Variants in CA10 observed in about 807,000 individuals in gnomAD.
CA10 encodes carbonic anhydrase 10 (inactive).
Under a neutral mutation model 44.2 loss-of-function variants are expected in CA10, and 14 were observed. The observed-to-expected ratio is 0.32, with a 90% CI of 0.21 to 0.50. The LOEUF (loss-of-function observed/expected upper bound fraction) is 0.50, where lower values mean the gene tolerates loss of function less well. Ranked by LOEUF, CA10 falls within the 20% of genes least tolerant of loss-of-function variation. The pLI is 0.99. For synonymous variants in CA10, 159 were observed against 141.6 expected, an observed-to-expected ratio of 1.12 and a Z score of -0.87; for missense variants, 350 against 409.7, an observed-to-expected ratio of 0.85 and a Z score of 1.26.
At chr17:51,853,782 T>C (rs1978911189) in intron 3 of CA10, among the ~76,000 whole-genome samples, 1 of 152,114 alleles carries the variant, frequency 6.6e-6, no homozygotes, top group African/African-American at 2.4e-5. Context: ...TGAGATCTGA[T>C]GGTTTTATAA....
intron 3 of CA10, among the ~76,000 whole-genome samples, chr17:51,867,711 A>T (rs920319624): frequency 6.6e-6 from 1 of 152,200 alleles, no homozygotes; most frequent in Admixed American, 6.5e-5. Context: ...ACTGAAGCTA[A>T]GTCAGTCTAC....
chr17:52,048,432 GA>G (rs1378335443), intron 2 of CA10, among the ~76,000 whole-genome samples: 2 of 152,160 alleles, frequency 1.3e-5, no homozygotes, highest in Middle Eastern at 3.4e-3. Context: ...CGGGTGGAAA[GA>G]TACAAATTAC....
chr17:51,663,314 T>A (rs1257144178), intron 4 of CA10, among the ~76,000 whole-genome samples: 1 of 310 alleles, frequency 3.2e-3, no homozygotes. Flanking sequence ...CAGAGTGGGA[T>A]GAGCCTCCTG....
In CA10 at chr17:51,725,907, C is replaced by G. The variant is rs1310615001; in HGVS notation, c.465+21726G>C. Among the ~76,000 whole-genome samples the G allele has an allele frequency of 4.6e-5, 7 of 152,070 alleles. No homozygotes were observed. The South Asian group carries it at 1.5e-3, about 32-fold the overall frequency. ...TGAACTGTCTTGGGGGTGGGAAGAC[C>G]CTCTAGGTACAAAAAAATGTGAAGT... On this transcript the variant is annotated intron_variant, in intron 4 of 8. Transcript: ENST00000451037.
intron 3 of CA10, among the ~76,000 whole-genome samples, chr17:51,854,059 C>T (rs975437056): frequency 6.6e-6 from 1 of 152,220 alleles, no homozygotes; most frequent in Non-Finnish European, 1.5e-5. Flanking sequence ...CTCTCAGATA[C>T]ACTTCAGATG....
intron 2 of CA10, among the ~76,000 whole-genome samples, chr17:51,968,062 C>A (rs1984146631): frequency 6.6e-6 from 1 of 151,710 alleles, no homozygotes; most frequent in Non-Finnish European, 1.5e-5. Flanking sequence ...AGAGACATCC[C>A]AAGTGTGGTG....
chr17:51,685,201 T>C (rs1171742845), intron 4 of CA10, among the ~76,000 whole-genome samples: 1 of 152,232 alleles, frequency 6.6e-6, no homozygotes, highest in Non-Finnish European at 1.5e-5. Flanking sequence ...GGCATGCTGC[T>C]GTGAACGGTT....
intron 4 of CA10, among the ~76,000 whole-genome samples, chr17:51,742,739 TAGCAAC>T (rs1293250915): frequency 6.6e-6 from 1 of 152,194 alleles, no homozygotes. Flanking sequence ...TATATCACCA[TAGCAAC>T]AGCTATGGAC....
At chr17:51,673,166 C>T (rs1914488431) in intron 4 of CA10, among the ~76,000 whole-genome samples, 1 of 152,138 alleles carries the variant, frequency 6.6e-6, no homozygotes, top group Non-Finnish European at 1.5e-5. Flanking sequence ...GAAAATGAAC[C>T]CCCTAGCCCC....
chr17:51,791,325 T>C (rs1906510034), intron 3 of CA10, among the ~76,000 whole-genome samples: 1 of 152,206 alleles, frequency 6.6e-6, no homozygotes, highest in South Asian at 2.1e-4. Context: ...TGCAATCAAA[T>C]GATAATATAA....
intron 3 of CA10, among the ~76,000 whole-genome samples, chr17:51,930,305 A>G (rs1272997407): frequency 6.6e-6 from 1 of 152,090 alleles, no homozygotes; most frequent in African/African-American, 2.4e-5. Context: ...CCTACTCAAC[A>G]GTAAAAGATA....
At chr17:52,063,693 A>G (rs2143103212) in intron 2 of CA10, among the ~76,000 whole-genome samples, 1 of 152,328 alleles carries the variant, frequency 6.6e-6, no homozygotes, top group African/African-American at 2.4e-5. Flanking sequence ...GAGTAGAAAC[A>G]GCCTGAGGCC....
At chr17:51,706,905 T>G (rs1915779031) in intron 4 of CA10, among the ~76,000 whole-genome samples, 1 of 152,180 alleles carries the variant, frequency 6.6e-6, no homozygotes, top group African/African-American at 2.4e-5. Context: ...AGCTGAGGCC[T>G]TCCCTGACTG....
At position 52,120,413 on chromosome 17, in the gene CA10, A is replaced by ACCTTATCCTTAT. The variant is rs76764541; in HGVS notation, c.61+37301_61+37312dup. ...CAGTTAATATTGGTCTTCATCCTTA[A>ACCTTATCCTTAT]CCTTATCCTTATCCTTATCCTTATC... On this transcript the variant is annotated intron_variant, in intron 1 of 8. Transcript: ENST00000451037. 1.8e-3 allele frequency among the ~76,000 whole-genome samples: 259 copies of ACCTTATCCTTAT among 145,012 alleles called. 1 individual carries two copies. Among genetic ancestry groups the ACCTTATCCTTAT allele is most frequent in the East Asian group, 0.018 (84 of 4,786 alleles).
At chr17:51,971,820 T>C (rs2144070778) in intron 2 of CA10, among the ~76,000 whole-genome samples, 1 of 152,122 alleles carries the variant, frequency 6.6e-6, no homozygotes, top group Middle Eastern at 3.4e-3. Flanking sequence ...CCTAAGCTAG[T>C]ATAACGTATA....
At chr17:51,947,353 C>T (rs142895072) in intron 2 of CA10, among the ~76,000 whole-genome samples, 109 of 151,952 alleles carry the variant, frequency 7.2e-4, no homozygotes, top group African/African-American at 2.4e-3. Flanking sequence ...TCATAAAATC[C>T]GACAAAGGTT....
At chr17:51,721,481 C>T (rs115133697) in intron 4 of CA10, among the ~76,000 whole-genome samples, 3,107 of 151,946 alleles carry the variant, frequency 0.02, 119 homozygotes, top group African/African-American at 0.071. Flanking sequence ...ATTACACAGG[C>T]GCCTGCCACC....
At chr17:51,963,534 T>C (rs1214612297) in intron 2 of CA10, among the ~76,000 whole-genome samples, 1 of 152,098 alleles carries the variant, frequency 6.6e-6, no homozygotes, top group African/African-American at 2.4e-5. Flanking sequence ...TCAGATCATG[T>C]ACAAAAGGAA....
At chr17:51,712,567 A>G (rs1263985) in intron 4 of CA10, among the ~76,000 whole-genome samples, 59,321 of 152,110 alleles carry the variant, frequency 0.39, 12,054 homozygotes, top group Admixed American at 0.45. Flanking sequence ...AAGCAATACT[A>G]GAACTGTGCT....
Sources: allele counts gnomAD v4.1 joint callset (sites outside exome capture counted in the v4.1 genomes callset), GRCh38; gene constraint gnomAD v4.1.1; transcripts MANE v1.5; gene names NCBI Gene and HGNC (gene_info 2026-07-23, HGNC 2026-07-21).